Variants in MTA3 observed in about 807,000 individuals in gnomAD.
MTA3 encodes the protein metastasis-associated protein MTA3.
A neutral mutation model predicts 83.5 loss-of-function variants in MTA3; 34 were observed. That is an observed-to-expected ratio of 0.41 (90% CI 0.31 to 0.54). The LOEUF (loss-of-function observed/expected upper bound fraction) is 0.54, where lower values mean the gene tolerates loss of function less well. Among genes scored for constraint, MTA3 ranks in the 20% least tolerant of loss-of-function variants. The pLI is 0.33. For missense variants in MTA3, 761 were observed against 726.4 expected (o/e 1.05, Z -0.55); for synonymous variants, 303 against 252.7 (o/e 1.20, Z -1.89).
intron 2 of MTA3, among the ~76,000 whole-genome samples, chr2:42,543,436 A>T (rs1349722794): frequency 6.6e-6 from 1 of 151,890 alleles, no homozygotes; most frequent in African/African-American, 2.4e-5. Context: ...TCGGCCTCCC[A>T]AAGTGGTGGG....
At position 42,706,295 on chromosome 2, in the gene MTA3, T is replaced by G. The variant is rs185461206; in HGVS notation, c.1151-1608T>G. Among the ~76,000 whole-genome samples, 276 of 152,234 alleles carry G rather than the reference T, an allele frequency of 1.8e-3. 1 individual carries two copies. The highest frequency in any genetic ancestry group is 6.3e-3 in the African/African-American group (262 of 41,550). Reference sequence around the variant, plus strand: ...TATAATAATAATAAAATAAAAAATTTAAAAAATGACTTATTAGTTCTAAAT... The same window carrying G: ...TATAATAATAATAAAATAAAAAATTGAAAAAATGACTTATTAGTTCTAAAT... On this transcript the variant is annotated intron_variant, in intron 12 of 16. Coordinates refer to ENST00000405094, the MANE Select transcript of MTA3 (RefSeq NM_001330442.2).
intron 2 of MTA3, among the ~76,000 whole-genome samples, chr2:42,540,150 A>G (rs1676457148): frequency 6.7e-6 from 1 of 148,740 alleles, no homozygotes; most frequent in African/African-American, 2.5e-5. Context: ...TACAGCCAAT[A>G]GTGGGCATTA....
At chr2:42,554,408 G>T (rs1677281744) in intron 2 of MTA3, among the ~76,000 whole-genome samples, 1 of 152,144 alleles carries the variant, frequency 6.6e-6, no homozygotes, top group Admixed American at 6.5e-5. Context: ...TGATGCATTT[G>T]TATTTTCTGC....
At chr2:42,739,886 A>T (rs1295644832) in intron 16 of MTA3, among the ~76,000 whole-genome samples, 1 of 152,224 alleles carries the variant, frequency 6.6e-6, no homozygotes, top group East Asian at 1.9e-4. Context: ...AAGTTTTATC[A>T]TGAGATTGTA....
In MTA3 at chr2:42,513,412, C is replaced by T. The variant is rs752976564; in HGVS notation, c.-141+18158C>T. On this transcript the variant is annotated intron_variant, in intron 2 of 17. Coordinates refer to the MTA3 transcript ENST00000405592. ...GGAACTTAAACAAAACAAAACACTT[C>T]CAGAGAGGACCACTAGGAGGTGCTG... 9.7e-4 allele frequency among the ~76,000 whole-genome samples: 147 copies of T among 152,100 alleles called. 1 individual carries two copies. The highest frequency in any genetic ancestry group is 1.4e-4 in the African/African-American group (6 of 41,410).
At chr2:42,611,399 A>T (rs1684207271) in intron 4 of MTA3, among the ~76,000 whole-genome samples, 1 of 151,738 alleles carries the variant, frequency 6.6e-6, no homozygotes, top group African/African-American at 2.4e-5. Flanking sequence ...TTTTTATAGA[A>T]ATGGACCCAG....
chr2:42,599,428 A>G (rs963624419), intron 3 of MTA3, among the ~76,000 whole-genome samples: 5 of 151,972 alleles, frequency 3.3e-5, no homozygotes, highest in Admixed American at 2.0e-4. Flanking sequence ...CCCCGTCTCT[A>G]CTAAAAAAAA....
At chr2:42,634,127 C>T (rs1217975126) in intron 4 of MTA3, among the ~76,000 whole-genome samples, 1 of 152,124 alleles carries the variant, frequency 6.6e-6, no homozygotes, top group African/African-American at 2.4e-5. Flanking sequence ...TCCTGTAGTG[C>T]ATGAGACAGC....
intron 3 of MTA3, among the ~76,000 whole-genome samples, chr2:42,608,275 A>T (rs969771670): frequency 6.6e-6 from 1 of 152,230 alleles, no homozygotes; most frequent in South Asian, 2.1e-4. Context: ...GATATTTTCT[A>T]GTGCTAATAG....
chr2:42,495,815 GCAACCCAGGAATGGGATCCC>G (rs750355808), intron 2 of MTA3, among the ~76,000 whole-genome samples: 3 of 152,124 alleles, frequency 2.0e-5, no homozygotes, highest in Non-Finnish European at 2.9e-5. Flanking sequence ...AGGTCATTTC[GCAACCCAGGAATGGGATCCC>G]CAACCCCGTG....
chr2:42,618,029 C>T (rs137901812), intron 4 of MTA3, among the ~76,000 whole-genome samples: 3,676 of 152,080 alleles, frequency 0.024, 65 homozygotes, highest in Non-Finnish European at 0.035. Flanking sequence ...ACTGTAGCCT[C>T]AAACTTCTGG....
intron 2 of MTA3, among the ~76,000 whole-genome samples, chr2:42,554,453 A>G (rs752876600): frequency 6.6e-6 from 1 of 152,168 alleles, no homozygotes; most frequent in Non-Finnish European, 1.5e-5. Context: ...TTCTGATAAA[A>G]GTTAATTTGG....
At chr2:42,507,747 A>C (rs1396784851) in intron 2 of MTA3, among the ~76,000 whole-genome samples, 3 of 151,704 alleles carry the variant, frequency 2.0e-5, no homozygotes, top group African/African-American at 7.3e-5. Flanking sequence ...TGAGCAATAT[A>C]GTGAGACCCC....
chr2:42,661,797 A>C (rs907620615), intron 8 of MTA3, among the ~76,000 whole-genome samples: 1 of 152,190 alleles, frequency 6.6e-6, no homozygotes, highest in African/African-American at 2.4e-5. Context: ...TAATGTAATA[A>C]AACTCCATAT....
intron 16 of MTA3, among the ~76,000 whole-genome samples, chr2:42,739,130 A>G (rs1668830353): frequency 2.0e-5 from 3 of 152,096 alleles, no homozygotes; most frequent in Admixed American, 2.0e-4. Context: ...AATCCCTAAT[A>G]AAAACTTGCT....
chr2:42,576,443 C>G (rs762916288), intron 2 of MTA3, among the ~76,000 whole-genome samples: 1 of 152,122 alleles, frequency 6.6e-6, no homozygotes, highest in African/African-American at 2.4e-5. Flanking sequence ...AAGTTGTTAA[C>G]ATGATGGGAA....
At chr2:42,507,789 A>G (rs1180645899) in intron 2 of MTA3, among the ~76,000 whole-genome samples, 1 of 151,716 alleles carries the variant, frequency 6.6e-6, no homozygotes, top group Non-Finnish European at 1.5e-5. Context: ...AAATTAGCCA[A>G]GCACGGGGGC....
intron 16 of MTA3, among the ~76,000 whole-genome samples, chr2:42,744,240 C>T (rs74721664): frequency 1.1e-4 from 16 of 152,264 alleles, no homozygotes; most frequent in African/African-American, 1.9e-4. Flanking sequence ...CAATTGCATT[C>T]GGCATAAGTA....
In MTA3 at chr2:42,755,562, A is replaced by T. The variant is rs1670182972; in HGVS notation, c.*2163A>T. On this transcript the variant is annotated 3_prime_UTR_variant, in exon 17 of 17. Transcript: ENST00000405094. The stretch of plus-strand genomic sequence containing the variant: ...GTAGTCCAGTCATCCTAGGAGGGTG[A>T]TGTTGACTGAGACTTCACGCTCTCC... The T allele has an allele frequency of 1.0e-6, 1 of 985,398 alleles. No individual in the cohort carries two copies. The highest frequency in any genetic ancestry group is 1.2e-6 in the Non-Finnish European group (1 of 829,938). 61.0% of individuals were successfully genotyped at this position (985,398 alleles called of 1,614,324 possible).
Sources: allele counts gnomAD v4.1 joint callset (sites outside exome capture counted in the v4.1 genomes callset), GRCh38; gene constraint gnomAD v4.1.1; transcripts MANE v1.5; gene names NCBI Gene and HGNC (gene_info 2026-07-23, HGNC 2026-07-21).